CERKL: variants seen among roughly 807,000 people sequenced by gnomAD.
The protein encoded by CERKL is CERK like autophagy regulator.
CERKL carries 61 observed loss-of-function variants against 63.4 expected under a neutral mutation model. The ratio of observed to expected loss-of-function variants is 0.96; its 90% confidence interval spans 0.78 to 1.19. CERKL has a LOEUF of 1.19. Among genes scored for constraint, CERKL ranks in the 50% most tolerant of loss-of-function variants. The pLI, the probability that CERKL is intolerant of heterozygous loss-of-function variation, is 0.00. For synonymous variants in CERKL, 250 were observed against 230.5 expected (o/e 1.08, Z -0.77); for missense variants, 675 against 655.5 (o/e 1.03, Z -0.33).
At position 181,538,130 on chromosome 2, in the gene CERKL, A is replaced by ATTTC. The variant is rs550012321; in HGVS notation, c.*50_*53dup. The ATTTC allele has an allele frequency of 1.1e-4, 142 of 1,248,976 alleles. 3 individuals are homozygous for ATTTC. The African/African-American group carries it at 1.5e-3, about 13-fold the overall frequency. 77.4% of individuals were successfully genotyped at this position (1,248,976 alleles called of 1,614,324 possible). A position where few individuals can be genotyped will look rare whatever the true frequency, so the allele number is the denominator to read the frequency against. The stretch of plus-strand genomic sequence containing the variant: ...GACCACAGGTTTAAAGCATGGCCAC[A>ATTTC]TTTCTTTATATTAAAATTCTAGTTT... On this transcript the variant is annotated 3_prime_UTR_variant, in exon 13 of 13. Coordinates refer to ENST00000410087, the MANE Select transcript of CERKL (RefSeq NM_201548.5).
chr2:181,598,485 C>T (rs1047644980), intron 2 of CERKL, among the ~76,000 whole-genome samples: 6 of 152,050 alleles, frequency 3.9e-5, no homozygotes, highest in African/African-American at 7.2e-5. Flanking sequence ...CCAAAGGCCT[C>T]GGCACACACC....
chr2:181,544,653 C>T, intron 11 of CERKL, 47 bp downstream of exon 11: 3 of 1,100,076 alleles, frequency 2.7e-6, no homozygotes, highest in Non-Finnish European at 4.1e-6. Context: ...TCTTTTTCTA[C>T]ATGATTAATA....
chr2:181,539,942 CTT>C (rs1414135892), intron 11 of CERKL, among the ~76,000 whole-genome samples: 1 of 152,156 alleles, frequency 6.6e-6, no homozygotes, highest in African/African-American at 2.4e-5. Context: ...AGCCAAATAA[CTT>C]GAGCAGAAAT....
chr2:181,568,396 A>AT lies in CERKL; in HGVS notation c.614-2276dup, dbSNP rs1408974552. ...CCATCATCTACCCCAAGACAGGAAA[A>AT]TGACTTCTTTCTAGAGTGTCCCTTT... On this transcript the variant is annotated intron_variant, in intron 3 of 12. Coordinates refer to ENST00000410087, the MANE Select transcript of CERKL (RefSeq NM_201548.5). 2.6e-5 allele frequency among the ~76,000 whole-genome samples: 4 copies of AT among 152,206 alleles called. No homozygotes were observed. In the East Asian group the frequency reaches 5.8e-4, roughly 22 times the overall value.
intron 2 of CERKL, among the ~76,000 whole-genome samples, chr2:181,600,667 T>A (rs1239559754): frequency 6.6e-6 from 1 of 152,186 alleles, no homozygotes; most frequent in African/African-American, 2.4e-5. Context: ...TTAACTATCC[T>A]AAATAAATAT....
chr2:181,562,875 A>G (rs1190413718), intron 4 of CERKL, among the ~76,000 whole-genome samples: 2 of 152,142 alleles, frequency 1.3e-5, no homozygotes, highest in East Asian at 3.9e-4. Flanking sequence ...CTTACTAAGT[A>G]ATACAGATAT....
rs889682972 is a variant in CERKL at position 181,536,946 on chromosome 2, T to A, written c.*1238A>T. The A allele has an allele frequency of 2.2e-6, 1 of 453,070 alleles. No individual in the cohort carries two copies. Among genetic ancestry groups the A allele is most frequent in the Non-Finnish European group, 4.4e-6 (1 of 226,302 alleles). The allele number at this position is 453,070 out of a possible 1,614,324, so 28.1% of individuals were successfully genotyped here. A position where few individuals can be genotyped will look rare whatever the true frequency, so the allele number is the denominator to read the frequency against. On this transcript the variant is annotated 3_prime_UTR_variant, in exon 13 of 13. Transcript: ENST00000410087. The stretch of plus-strand genomic sequence containing the variant: ...CTGGGAAAGATTTCTTTATATGAAG[T>A]CCCTGCCACTAGCCAGCCATCCTAA...
At chr2:181,608,365 G>A (rs1685810331) in intron 1 of CERKL, among the ~76,000 whole-genome samples, 1 of 142,420 alleles carries the variant, frequency 7.0e-6, no homozygotes, top group African/African-American at 2.6e-5. Flanking sequence ...TAAATTGAGA[G>A]TCTCTTTTTA....
intron 1 of CERKL, among the ~76,000 whole-genome samples, chr2:181,620,393 C>G (rs529785569): frequency 3.3e-5 from 5 of 152,212 alleles, no homozygotes; most frequent in Admixed American, 2.6e-4. Context: ...ATCGCACAGC[C>G]CTCTAAATTG....
intron 2 of CERKL, among the ~76,000 whole-genome samples, chr2:181,575,405 A>G (rs1218465346): frequency 6.6e-6 from 1 of 152,204 alleles, no homozygotes; most frequent in African/African-American, 2.4e-5. Flanking sequence ...GGGCCAAGGG[A>G]TTAAGATATG....
intron 5 of CERKL, among the ~76,000 whole-genome samples, chr2:181,552,648 T>C (rs974875376): frequency 2.0e-5 from 3 of 152,186 alleles, no homozygotes; most frequent in Non-Finnish European, 2.9e-5. Flanking sequence ...ATGCATTATA[T>C]ACTTGGAAAT....
chr2:181,577,748 G>A (rs1169359738), intron 2 of CERKL, among the ~76,000 whole-genome samples: 2 of 152,116 alleles, frequency 1.3e-5, no homozygotes, highest in South Asian at 2.1e-4. Flanking sequence ...GGGTGGAAGA[G>A]GTAAGAATTG....
intron 2 of CERKL, among the ~76,000 whole-genome samples, chr2:181,597,817 C>T (rs1226282950): frequency 1.3e-5 from 2 of 152,148 alleles, no homozygotes; most frequent in African/African-American, 4.8e-5. Context: ...CCTGTTCTGA[C>T]TTTGAAAAGC....
chr2:181,573,104 C>G (rs1688979188), intron 3 of CERKL, among the ~76,000 whole-genome samples: 1 of 152,054 alleles, frequency 6.6e-6, no homozygotes, highest in African/African-American at 2.4e-5. Context: ...CTACTCAGTT[C>G]CCCACCATAC....
chr2:181,545,085 G>A (rs1327663871), intron 10 of CERKL, among the ~76,000 whole-genome samples: 1 of 151,960 alleles, frequency 6.6e-6, no homozygotes, highest in African/African-American at 2.4e-5. Flanking sequence ...CACATATCAA[G>A]ACATAATTTA....
intron 11 of CERKL, 110 bp from the exon 12 acceptor site, chr2:181,539,374 A>G: frequency 1.4e-6 from 1 of 715,102 alleles, no homozygotes; most frequent in Non-Finnish European, 2.4e-6. Flanking sequence ...GTATGCTGAC[A>G]TTTTAATAGC....
intron 5 of CERKL, among the ~76,000 whole-genome samples, chr2:181,551,398 A>AT (rs1687981238): frequency 6.6e-6 from 1 of 152,128 alleles, no homozygotes; most frequent in African/African-American, 2.4e-5. Context: ...ATGGGAGAAA[A>AT]TTTTTGCAAT....
At chr2:181,574,387 C>T (rs1273521854) in intron 2 of CERKL, among the ~76,000 whole-genome samples, 1 of 152,176 alleles carries the variant, frequency 6.6e-6, no homozygotes, top group East Asian at 1.9e-4. Flanking sequence ...AGGGATGGGT[C>T]AGTGTCAGTA....
chr2:181,623,216 A>G (rs190402717), intron 1 of CERKL, among the ~76,000 whole-genome samples: 9 of 152,298 alleles, frequency 5.9e-5, no homozygotes, highest in East Asian at 1.9e-4. Context: ...TCTTTCAACT[A>G]TCTATCAACT....
Sources: allele counts gnomAD v4.1 joint callset (sites outside exome capture counted in the v4.1 genomes callset), GRCh38; gene constraint gnomAD v4.1.1; transcripts MANE v1.5; gene names NCBI Gene and HGNC (gene_info 2026-07-23, HGNC 2026-07-21).